Variants in NEK10 observed in about 807,000 individuals in gnomAD.
The protein encoded by NEK10 is NIMA related kinase 10.
Under a neutral mutation model 159.8 loss-of-function variants are expected in NEK10, and 122 were observed. The observed-to-expected ratio is 0.76, with a 90% CI of 0.66 to 0.89. The LOEUF is 0.89. NEK10 is among the 40% of genes least tolerant of loss of function. The pLI is 0.00. For missense variants in NEK10, 1,342 were observed against 1,323.1 expected, an observed-to-expected ratio of 1.01 and a Z score of -0.22; for synonymous variants, 466 against 457.1, an observed-to-expected ratio of 1.02 and a Z score of -0.25.
chr3:27,117,851 G>A (rs1437993881), intron 33 of NEK10, among the ~76,000 whole-genome samples: 1 of 152,118 alleles, frequency 6.6e-6, no homozygotes. Context: ...TTTTGCTTTT[G>A]TTATAATTGC....
intron 22 of NEK10, among the ~76,000 whole-genome samples, chr3:27,258,047 C>G (rs927310913): frequency 1.3e-5 from 2 of 151,886 alleles, no homozygotes; most frequent in African/African-American, 2.4e-5. Flanking sequence ...CCGCCCACCT[C>G]AGCCTCCCAA....
chr3:27,200,539 T>A (rs1429457560), intron 25 of NEK10, among the ~76,000 whole-genome samples: 1 of 152,118 alleles, frequency 6.6e-6, no homozygotes, highest in African/African-American at 2.4e-5. Context: ...ATACAAGCAA[T>A]ATTTATTAAG....
At chr3:27,183,000 A>C (rs1283712235) in intron 26 of NEK10, among the ~76,000 whole-genome samples, 1 of 152,068 alleles carries the variant, frequency 6.6e-6, no homozygotes, top group East Asian at 1.9e-4. Flanking sequence ...AATAAGATTT[A>C]GTGTTTGGTA....
chr3:27,209,856 G>A (rs968640636), intron 23 of NEK10, among the ~76,000 whole-genome samples: 2 of 147,490 alleles, frequency 1.4e-5, no homozygotes, highest in East Asian at 3.9e-4. Context: ...GCAAACCACA[G>A]AAATCTTCTT....
At chr3:27,121,191 G>A (rs142979070) in intron 32 of NEK10, among the ~76,000 whole-genome samples, 66 of 152,080 alleles carry the variant, frequency 4.3e-4, no homozygotes, top group African/African-American at 1.2e-3. Context: ...CCAATTGTCC[G>A]TGGAGAAAAG....
At chr3:27,178,119 T>G (rs973757135) in intron 26 of NEK10, among the ~76,000 whole-genome samples, 1 of 152,190 alleles carries the variant, frequency 6.6e-6, no homozygotes, top group African/African-American at 2.4e-5. Flanking sequence ...TTATAGAAGA[T>G]GCTTCCTGTC....
chr3:27,269,082 C>A (rs919113700), intron 22 of NEK10, among the ~76,000 whole-genome samples: 1 of 152,172 alleles, frequency 6.6e-6, no homozygotes, highest in Non-Finnish European at 1.5e-5. Flanking sequence ...TGAATCATTG[C>A]AATCTCACAA....
intron 29 of NEK10, among the ~76,000 whole-genome samples, chr3:27,167,149 G>A (rs569576767): frequency 2.6e-5 from 4 of 151,898 alleles, no homozygotes; most frequent in Non-Finnish European, 5.9e-5. Context: ...TCTGGTTGCC[G>A]GAGCAACAGG....
At chr3:27,160,211 G>A (rs146728392) in intron 30 of NEK10, among the ~76,000 whole-genome samples, 107 of 152,144 alleles carry the variant, frequency 7.0e-4, no homozygotes, top group African/African-American at 1.9e-3. Context: ...GACCAACAAC[G>A]TCTCATGACA....
intron 26 of NEK10, among the ~76,000 whole-genome samples, chr3:27,179,699 C>T (rs1947875145): frequency 6.6e-6 from 1 of 152,212 alleles, no homozygotes; most frequent in African/African-American, 2.4e-5. Flanking sequence ...AGCAGACTAA[C>T]ATGCCAATAG....
intron 31 of NEK10, among the ~76,000 whole-genome samples, chr3:27,137,376 C>G (rs2125554628): frequency 6.6e-6 from 1 of 152,156 alleles, no homozygotes; most frequent in East Asian, 1.9e-4. Flanking sequence ...TTTTTTATTA[C>G]ATAAAAATTA....
In NEK10 at chr3:27,116,118, G is replaced by C; in HGVS notation, c.3200C>G (p.Thr1067Ser). The change falls in exon 34 of 36, where the codon ACC (threonine) becomes AGC (serine). Residue 1067 changes from threonine (T) to serine (S), a missense_variant. Physicochemically the swap from Thr to Ser is moderately conservative, Grantham distance 58. Coordinates refer to ENST00000691995, the MANE Select transcript of NEK10 (RefSeq NM_001394966.1). ...TATTCCTTCCTCCAATTCAATGCTG[G>C]TTGGTAAACCTAAAAAAGATAAATT... ...LSPNDPTGLP[T>S]SIELEEGITY... The C allele has an allele frequency of 6.2e-7, 1 of 1,613,332 alleles. No individual in the cohort carries two copies. Among genetic ancestry groups the C allele is most frequent in the Non-Finnish European group, 8.5e-7 (1 of 1,179,578 alleles).
rs558351641 is a variant in NEK10 at position 27,319,988 on chromosome 3, G to C, written c.447+2189C>G. Among the ~76,000 whole-genome samples the C allele has an allele frequency of 2.6e-5, 4 of 152,294 alleles. No homozygotes were observed. In the East Asian group the frequency reaches 5.8e-4, roughly 22 times the overall value. ...AAAAGGCATGCTGAGAGCCACTGGCGTAAGTCGCAAGTTGTAGTAAACCCC... is the reference window on the plus strand; with the variant it reads ...AAAAGGCATGCTGAGAGCCACTGGCCTAAGTCGCAAGTTGTAGTAAACCCC... On this transcript the variant is annotated intron_variant, in intron 6 of 35. Transcript: ENST00000691995.
intron 22 of NEK10, among the ~76,000 whole-genome samples, chr3:27,256,912 CTTT>C (rs550014186): frequency 7.3e-4 from 91 of 125,054 alleles, no homozygotes; most frequent in Admixed American, 9.3e-4. Context: ...TTTTTTCTCT[CTTT>C]TTTTTTTTTT....
intron 3 of NEK10, 86 bp downstream of exon 3, chr3:27,352,379 A>G (rs946652844): frequency 3.5e-6 from 3 of 851,320 alleles, no homozygotes; most frequent in South Asian, 1.4e-5. Context: ...AAGCAGACAT[A>G]TCATTCATAG....
At chr3:27,316,004 C>T (rs543782242) in intron 6 of NEK10, among the ~76,000 whole-genome samples, 77 of 152,308 alleles carry the variant, frequency 5.1e-4, no homozygotes, top group African/African-American at 1.8e-3. Flanking sequence ...AACATCAAGA[C>T]ATGCTGTAAT....
intron 26 of NEK10, among the ~76,000 whole-genome samples, chr3:27,182,398 G>T (rs1245560543): frequency 1.3e-5 from 2 of 151,984 alleles, no homozygotes; most frequent in Non-Finnish European, 2.9e-5. Context: ...AATCAAAACG[G>T]TGTGGTATTG....
chr3:27,202,906 G>C (rs1950175560), intron 23 of NEK10, among the ~76,000 whole-genome samples: 1 of 152,094 alleles, frequency 6.6e-6, no homozygotes, highest in African/African-American at 2.4e-5. Context: ...CCATCCTTGT[G>C]GTAGCCTCTT....
intron 30 of NEK10, among the ~76,000 whole-genome samples, chr3:27,147,824 T>G (rs1944449989): frequency 6.6e-6 from 1 of 152,202 alleles, no homozygotes; most frequent in Non-Finnish European, 1.5e-5. Flanking sequence ...GTTCTACCAG[T>G]CTTACGCTTA....
Sources: gnomAD v4.1 joint callset for allele counts (sites outside exome capture counted in the v4.1 genomes callset) on GRCh38, gnomAD v4.1.1 for gene constraint, MANE v1.5 for transcripts, NCBI Gene and HGNC (gene_info 2026-07-23, HGNC 2026-07-21) for gene names.